FBXO34: variants seen among roughly 807,000 people sequenced by gnomAD.
The protein encoded by FBXO34 is F-box only protein 34.
FBXO34 carries 12 observed loss-of-function variants against 24.5 expected under a neutral mutation model. The observed-to-expected ratio is 0.49, with a 90% confidence interval of 0.31 to 0.79. The LOEUF is 0.79. Among genes scored for constraint, FBXO34 ranks in the 30% least tolerant of loss-of-function variants. The pLI is 0.04. For missense variants in FBXO34, 823 were observed against 857.7 expected, an observed-to-expected ratio of 0.96 and a Z score of 0.51; for synonymous variants, 320 against 311.9, an observed-to-expected ratio of 1.03 and a Z score of -0.27.
chr14:55,364,413 C>G (rs543671504), downstream of FBXO34, among the ~76,000 whole-genome samples: 6 of 152,182 alleles, frequency 3.9e-5, no homozygotes, highest in African/African-American at 1.4e-4. Flanking sequence ...GATTGTCCCA[C>G]TGGTGGTTTC....
chr14:55,331,092 A>AT (rs1451272157), intron 1 of FBXO34, among the ~76,000 whole-genome samples: 1 of 152,018 alleles, frequency 6.6e-6, no homozygotes, highest in Non-Finnish European at 1.5e-5. Flanking sequence ...GAGACAGGAA[A>AT]TTTTTTTTAG....
At chr14:55,279,284 C>CA (rs397767008) in intron 1 of FBXO34, among the ~76,000 whole-genome samples, 57,708 of 118,016 alleles carry the variant, frequency 0.49, 13,575 homozygotes, top group African/African-American at 0.69. Context: ...GAGACTCCGT[C>CA]AAAAAAAAAA....
chr14:55,370,907 C>T (rs1216587422), downstream of FBXO34, among the ~76,000 whole-genome samples: 1 of 152,192 alleles, frequency 6.6e-6, no homozygotes, highest in East Asian at 1.9e-4. Context: ...TCTCAAAACG[C>T]TGAGATTACA....
chr14:55,371,689 G>A (rs772605742), downstream of FBXO34, among the ~76,000 whole-genome samples: 7 of 152,140 alleles, frequency 4.6e-5, no homozygotes, highest in East Asian at 1.9e-4. Flanking sequence ...CTGTAGTCCC[G>A]GCTACTCAGG....
intron 1 of FBXO34, among the ~76,000 whole-genome samples, chr14:55,342,765 T>G (rs898389216): frequency 3.3e-5 from 5 of 152,256 alleles, no homozygotes; most frequent in African/African-American, 9.6e-5. Context: ...ATCACAGCTC[T>G]GTGTAGTAGT....
the FBXO34 span, chr14:55,433,796 A>T: frequency 7.4e-7 from 1 of 1,357,032 alleles, no homozygotes; most frequent in Non-Finnish European, 1.0e-6. Flanking sequence ...GCCGAGCTGA[A>T]TATGAAAATC....
chr14:55,297,660 C>G (rs1489226292), intron 1 of FBXO34, among the ~76,000 whole-genome samples: 1 of 152,138 alleles, frequency 6.6e-6, no homozygotes, highest in Non-Finnish European at 1.5e-5. Flanking sequence ...TCAAAGAACA[C>G]TTGGTATCAT....
rs779006830 is a variant in FBXO34, at chr14:55,352,234, G to T, written c.1844G>T (p.Arg615Met). 3 of 1,613,864 alleles carry T rather than the reference G, an allele frequency of 1.9e-6. No individual in the cohort carries two copies. Among genetic ancestry groups the T allele is most frequent in the Non-Finnish European group, 2.5e-6 (3 of 1,179,984 alleles). The change falls in exon 2 of 2, where the codon AGG (arginine) becomes ATG (methionine). Residue 615 changes from arginine (R) to methionine (M), a missense_variant. Transcript: ENST00000313833. Reference protein sequence around the residue: ...FKFIIEYYNIRPADSRWVRDP... With the variant: ...FKFIIEYYNIMPADSRWVRDP... ...TTTATCATTGAGTACTACAATATCA[G>T]GCCAGCAGATTCTCGCTGGGTTCGA...
intron 1 of FBXO34, among the ~76,000 whole-genome samples, chr14:55,293,668 A>G (rs956960812): frequency 2.0e-5 from 3 of 152,078 alleles, no homozygotes; most frequent in Non-Finnish European, 2.9e-5. Flanking sequence ...TGCTTAGTAA[A>G]TGGGCATTGT....
the FBXO34 span, chr14:55,390,825 C>T: frequency 3.2e-6 from 3 of 934,372 alleles, no homozygotes; most frequent in Non-Finnish European, 4.9e-6. Context: ...CATCCCCTTC[C>T]TTTCTGTGTC....
At chr14:55,380,115 G>A in the FBXO34 span, among the ~76,000 whole-genome samples, 8,869 of 152,154 alleles carry the variant, frequency 0.058, 327 homozygotes, top group South Asian at 0.089. Flanking sequence ...AGGCGTGGTC[G>A]TGGGTGCCTG....
At chr14:55,278,966 C>T (rs1881436739) in intron 1 of FBXO34, among the ~76,000 whole-genome samples, 1 of 152,226 alleles carries the variant, frequency 6.6e-6, no homozygotes, top group South Asian at 2.1e-4. Context: ...GGATTATAGG[C>T]GTGAGCCACC....
intron 1 of FBXO34, among the ~76,000 whole-genome samples, chr14:55,304,530 T>G (rs1882474300): frequency 6.6e-6 from 1 of 152,108 alleles, no homozygotes; most frequent in African/African-American, 2.4e-5. Context: ...AGACAAGGTC[T>G]TGCTCTGTCA....
chr14:55,311,612 A>G (rs1882743655), intron 1 of FBXO34, among the ~76,000 whole-genome samples: 2 of 152,226 alleles, frequency 1.3e-5, no homozygotes, highest in Admixed American at 6.5e-5. Flanking sequence ...GATCGGATAC[A>G]GGCATTGGGT....
At chr14:55,348,344 T>C (rs568996999) in intron 1 of FBXO34, among the ~76,000 whole-genome samples, 4 of 152,202 alleles carry the variant, frequency 2.6e-5, no homozygotes, top group African/African-American at 9.6e-5. Context: ...TCCTTCTGCC[T>C]CAACCACCCC....
chr14:55,391,845 C>A, the FBXO34 span, among the ~76,000 whole-genome samples: 8,859 of 152,214 alleles, frequency 0.058, 321 homozygotes, highest in South Asian at 0.089. Context: ...CAATAAGCAA[C>A]TAGTACTTGC....
intron 1 of FBXO34, among the ~76,000 whole-genome samples, chr14:55,306,411 T>G (rs982559055): frequency 6.6e-6 from 1 of 152,224 alleles, no homozygotes; most frequent in African/African-American, 2.4e-5. Context: ...TTTTAAAGTT[T>G]TCCACTAAAG....
chr14:55,406,197 C>G, the FBXO34 span, among the ~76,000 whole-genome samples: 467 of 152,232 alleles, frequency 3.1e-3, 1 homozygote, highest in Non-Finnish European at 3.3e-3. Context: ...CCACTAAAAC[C>G]TAGATATTCA....
At chr14:55,326,474 A>G (rs776897956) in intron 1 of FBXO34, among the ~76,000 whole-genome samples, 1 of 152,212 alleles carries the variant, frequency 6.6e-6, no homozygotes, top group African/African-American at 2.4e-5. Flanking sequence ...TGGGGCCTAC[A>G]TCTTAGAGAT....
Sources: allele counts gnomAD v4.1 joint callset (sites outside exome capture counted in the v4.1 genomes callset), GRCh38; gene constraint gnomAD v4.1.1; transcripts MANE v1.5; gene names NCBI Gene and HGNC (gene_info 2026-07-23, HGNC 2026-07-21).